FBLN5: variants seen among roughly 807,000 people sequenced by gnomAD.
FBLN5 encodes fibulin-5.
Under a neutral mutation model 61.6 loss-of-function variants are expected in FBLN5, and 24 were observed. That is an observed-to-expected ratio of 0.39 (90% confidence interval 0.28 to 0.55). The LOEUF is 0.55. Among genes scored for constraint, FBLN5 ranks in the 20% least tolerant of loss-of-function variants. The pLI is 0.65. For missense variants in FBLN5, 470 were observed against 594.1 expected, an observed-to-expected ratio of 0.79 and a Z score of 2.17; for synonymous variants, 213 against 219.8, an observed-to-expected ratio of 0.97 and a Z score of 0.27.
At chr14:91,916,134 T>A (rs747694858) in intron 4 of FBLN5, among the ~76,000 whole-genome samples, 1 of 152,208 alleles carries the variant, frequency 6.6e-6, no homozygotes, top group Non-Finnish European at 1.5e-5. Context: ...AAGGGCAGGA[T>A]AACAAAGAAC....
At position 91,870,106 on chromosome 14, in the gene FBLN5, G is replaced by A. The variant is rs1888847312; in HGVS notation, c.*118C>T. Reference sequence around the variant, plus strand: ...AGGAAGTCGGGGCTGACTCTTCGGGGAAACGTTCAGCAGGAAATGCCTAAC... The same window carrying A: ...AGGAAGTCGGGGCTGACTCTTCGGGAAAACGTTCAGCAGGAAATGCCTAAC... On this transcript the variant is annotated 3_prime_UTR_variant, in exon 11 of 11. Transcript: ENST00000342058. 9.1e-7 allele frequency: 1 copy of A among 1,097,468 alleles called. No homozygotes were observed. The highest frequency in any genetic ancestry group is 1.5e-5 in the African/African-American group (1 of 64,938). The allele number at this position is 1,097,468 out of a possible 1,614,324, so 68.0% of individuals were successfully genotyped here. A position where few individuals can be genotyped will look rare whatever the true frequency, so the allele number is the denominator to read the frequency against.
chr14:91,871,971 G>T (rs1888953583), intron 10 of FBLN5, among the ~76,000 whole-genome samples: 1 of 152,122 alleles, frequency 6.6e-6, no homozygotes, highest in South Asian at 2.1e-4. Context: ...GAATCTCAGG[G>T]CTAGGATCTA....
chr14:91,877,813 G>T, intron 9 of FBLN5, 131 bp from the exon 10 acceptor site: 1 of 740,544 alleles, frequency 1.4e-6, no homozygotes, highest in Non-Finnish European at 2.4e-6. Context: ...ACTGTAGAAT[G>T]TCTCTGCTCC....
Position 91,869,832 on chromosome 14 carries a change from G to C in FBLN5, c.*392C>G. 6.2e-6 allele frequency: 2 copies of C among 323,166 alleles called. No homozygotes were observed. The highest frequency in any genetic ancestry group is 5.4e-5 in the South Asian group (2 of 37,066). 20.0% of individuals were successfully genotyped at this position (323,166 alleles called of 1,614,324 possible). Reference sequence around the variant, plus strand: ...CGGGTCTTTGCAAAGCAGTAACACAGTGAGAGAAGGAGTGGAAGAGGTGAA... The same window carrying C: ...CGGGTCTTTGCAAAGCAGTAACACACTGAGAGAAGGAGTGGAAGAGGTGAA... On this transcript the variant is annotated 3_prime_UTR_variant, in exon 11 of 11. Transcript: ENST00000342058.
chr14:91,885,165 T>C (rs909950278), intron 7 of FBLN5, among the ~76,000 whole-genome samples: 18 of 152,298 alleles, frequency 1.2e-4, no homozygotes, highest in African/African-American at 4.1e-4. Flanking sequence ...CACCCTGTTA[T>C]CCTGGGCCAG....
chr14:91,930,657 G>A lies in FBLN5; in HGVS notation c.379+6290C>T, dbSNP rs146642399. Among the ~76,000 whole-genome samples, 584 of 152,286 alleles carry A rather than the reference G, an allele frequency of 3.8e-3. 1 individual carries two copies. Among genetic ancestry groups the A allele is most frequent in the African/African-American group, 0.012 (496 of 41,540 alleles). ...AGAAAAGTCTGTTGGAGTGAAGGCC[G>A]CCTTCTCCTCCCTAGTTTTTGCTAA... is the stretch of plus-strand genomic sequence containing the variant. On this transcript the variant is annotated intron_variant, in intron 4 of 10. Transcript: ENST00000342058.
chr14:91,890,425 T>C (rs1293350715), intron 6 of FBLN5, among the ~76,000 whole-genome samples: 1 of 152,130 alleles, frequency 6.6e-6, no homozygotes, highest in Non-Finnish European at 1.5e-5. Flanking sequence ...AACTCCAACC[T>C]GGGCCAAGCA....
chr14:91,909,693 GA>G (rs1890839339), intron 4 of FBLN5, among the ~76,000 whole-genome samples: 1 of 152,152 alleles, frequency 6.6e-6, no homozygotes, highest in Admixed American at 6.5e-5. Flanking sequence ...GACACAGCCA[GA>G]AGGCCCACCA....
chr14:91,932,949 C>A (rs2055951151), intron 4 of FBLN5, among the ~76,000 whole-genome samples: 1 of 152,224 alleles, frequency 6.6e-6, no homozygotes, highest in African/African-American at 2.4e-5. Context: ...GTATGCATGG[C>A]CCCTTTGGGG....
chr14:91,883,643 T>C (rs1368948853), intron 7 of FBLN5, among the ~76,000 whole-genome samples: 1 of 18,938 alleles, frequency 5.3e-5, no homozygotes, highest in Admixed American at 8.5e-4. Context: ...AACTTCACTG[T>C]GTAAAAAAAA....
intron 10 of FBLN5, among the ~76,000 whole-genome samples, chr14:91,871,047 A>G (rs1888900550): frequency 6.6e-6 from 1 of 152,032 alleles, no homozygotes; most frequent in African/African-American, 2.4e-5. Flanking sequence ...AAAACTACCT[A>G]CTGGGTACTA....
At chr14:91,912,827 G>C (rs1169680704) in intron 4 of FBLN5, among the ~76,000 whole-genome samples, 1 of 131,324 alleles carries the variant, frequency 7.6e-6, no homozygotes, top group Non-Finnish European at 1.7e-5. Flanking sequence ...AAAAAAAAAA[G>C]CAGTTCTTAG....
In FBLN5 at chr14:91,937,088, A is replaced by G. The variant is rs752222389; in HGVS notation, c.238T>C (p.Tyr80His). The G allele has an allele frequency of 7.4e-6, 12 of 1,613,892 alleles. No homozygotes were observed. The South Asian group carries it at 1.3e-4, about 18-fold the overall frequency. ...TAGGGGGTCGAGTAGGGGTTCGAGTAGGGCCCTCGATACACAGGGTTTGTC... is the reference window on the plus strand; with the variant it reads ...TAGGGGGTCGAGTAGGGGTTCGAGTGGGGCCCTCGATACACAGGGTTTGTC... ...PRTNPVYRGP[Y>H]SNPYSTPYSG... The change falls in exon 4 of 11, where the codon TAC becomes CAC. Residue 80 changes from tyrosine (Y) to histidine (H), a missense_variant. Tyr to His is a moderately conservative substitution (Grantham distance 83). Transcript: ENST00000342058.
chr14:91,929,647 T>G (rs2430375), intron 4 of FBLN5, among the ~76,000 whole-genome samples: 11,476 of 152,348 alleles, frequency 0.075, 606 homozygotes, highest in African/African-American at 0.15. Context: ...GTTTTGTTTT[T>G]AAATAAGTAA....
At chr14:91,932,381 G>A (rs1208532613) in intron 4 of FBLN5, among the ~76,000 whole-genome samples, 2 of 152,138 alleles carry the variant, frequency 1.3e-5, no homozygotes, top group Admixed American at 6.5e-5. Flanking sequence ...GAACCAAAAA[G>A]AGAAAAATTG....
chr14:91,940,938 GA>G (rs2056095251), intron 2 of FBLN5, among the ~76,000 whole-genome samples: 1 of 148,030 alleles, frequency 6.8e-6, no homozygotes, highest in Admixed American at 6.6e-5. Flanking sequence ...TGTGTTTTTA[GA>G]AAAACTTTAT....
Position 91,932,939 on chromosome 14 carries a change from G to A in FBLN5, c.379+4008C>T, listed in dbSNP as rs182091383. Among the ~76,000 whole-genome samples the A allele has an allele frequency of 2.6e-5, 4 of 152,382 alleles. No individual in the cohort carries two copies. The East Asian group carries it at 5.8e-4, about 22-fold the overall frequency. ...GACAACAGGCTGCTGAGATGGCTTCGTATGCATGGCCCCTTTGGGGCTCAG... is the reference window on the plus strand; with the variant it reads ...GACAACAGGCTGCTGAGATGGCTTCATATGCATGGCCCCTTTGGGGCTCAG... On this transcript the variant is annotated intron_variant, in intron 4 of 10. Coordinates refer to ENST00000342058, the MANE Select transcript of FBLN5 (RefSeq NM_006329.4).
rs750213048 is a variant in FBLN5 at position 91,937,012 on chromosome 14, G to T, written c.314C>A (p.Pro105His). 1.2e-6 allele frequency: 2 copies of T among 1,614,164 alleles called. No individual in the cohort carries two copies. The highest frequency in any genetic ancestry group is 8.5e-7 in the Non-Finnish European group (1 of 1,180,022). Residue 105 changes from proline (P) to histidine (H), a missense_variant, in exon 4 of 11, where the codon CCC (proline) becomes CAC (histidine). Transcript: ENST00000342058. ...GCATATAAGAGGCCTGGAGATCGTGGGATAGTTTGGAGCTGAGAGTGGTGG... is the reference window on the plus strand; with the variant it reads ...GCATATAAGAGGCCTGGAGATCGTGTGATAGTTTGGAGCTGAGAGTGGTGG... ...AAPPLSAPNY[P>H]TISRPLICRF...
chr14:91,905,629 G>C (rs1490067530), intron 4 of FBLN5, among the ~76,000 whole-genome samples: 1 of 150,884 alleles, frequency 6.6e-6, no homozygotes, highest in Non-Finnish European at 1.5e-5. Context: ...CGCCAGGCTG[G>C]AGTGCAGTGG....
Sources: gnomAD v4.1 joint callset for allele counts (sites outside exome capture counted in the v4.1 genomes callset) on GRCh38, gnomAD v4.1.1 for gene constraint, MANE v1.5 for transcripts, NCBI Gene and HGNC (gene_info 2026-07-23, HGNC 2026-07-21) for gene names.